The following NCAPD3 variants were observed in gnomAD, a reference collection of about 807,000 sequenced individuals.
NCAPD3 encodes non-SMC condensin II complex subunit D3, also known as condensin-2 complex subunit D3.
NCAPD3 carries 105 observed loss-of-function variants against 182.9 expected under a neutral mutation model. The observed-to-expected ratio is 0.57, with a 90% confidence interval of 0.49 to 0.68. The LOEUF (loss-of-function observed/expected upper bound fraction) is 0.68. NCAPD3 is among the 30% of genes least tolerant of loss of function. The probability of loss-of-function intolerance (pLI) is 0.00; values close to 1 mark genes in which losing one functional copy is unlikely to be tolerated. For missense variants in NCAPD3, 1,944 were observed against 1,837.0 expected, an observed-to-expected ratio of 1.06 and a Z score of -1.07; for synonymous variants, 815 against 679.9, an observed-to-expected ratio of 1.20 and a Z score of -3.09.
At chr11:134,194,624 T>C in intron 14 of NCAPD3, 41 bp downstream of exon 14, 1 of 1,436,110 alleles carries the variant, frequency 7.0e-7, no homozygotes, top group Non-Finnish European at 9.6e-7. Context: ...TTTCCAAGTT[T>C]TTAGTGCTTA....
chr11:134,197,838 T>C (rs1944668708), intron 13 of NCAPD3, among the ~76,000 whole-genome samples: 1 of 152,124 alleles, frequency 6.6e-6, no homozygotes, highest in Admixed American at 6.5e-5. Flanking sequence ...CCAACACCTT[T>C]CCATGATAAA....
intron 2 of NCAPD3, among the ~76,000 whole-genome samples, chr11:134,220,361 T>C (rs1591868923): frequency 6.6e-6 from 1 of 151,484 alleles, no homozygotes; most frequent in East Asian, 1.9e-4. Context: ...AAAACAGTCG[T>C]GTCTTAAAAA....
rs1565551242 is a variant in NCAPD3 at position 134,203,676 on chromosome 11, A to C, written c.1446T>G (p.Ser482Arg). The C allele has an allele frequency of 6.2e-7, 1 of 1,613,350 alleles. No homozygotes were observed. The highest frequency in any genetic ancestry group is 8.5e-7 in the Non-Finnish European group (1 of 1,180,020). ...LELTVTSASESILELLINSPT... is the reference protein window; with the variant it reads ...LELTVTSASERILELLINSPT... ...CACTGTTAATCAGGAGCTCCAGGAT[A>C]CTCTCCGACGCACTGGTAACAGTCA... is the stretch of plus-strand genomic sequence containing the variant. The change falls in exon 11 of 35, where the codon AGT becomes AGG. Residue 482 changes from serine (S) to arginine (R), a missense_variant. Ser to Arg is a moderately radical substitution (Grantham distance 110). Transcript: ENST00000534548.
intron 32 of NCAPD3, among the ~76,000 whole-genome samples, chr11:134,156,442 C>A (rs1379701660): frequency 6.6e-6 from 1 of 152,154 alleles, no homozygotes; most frequent in African/African-American, 2.4e-5. Context: ...TGAGGTTTGA[C>A]ACAATATGAA....
chr11:134,150,696 A>G lies in NCAPD3; in HGVS notation c.*2248T>C, dbSNP rs542186277. The G allele has an allele frequency of 6.6e-6, 1 of 152,208 alleles. No individual in the cohort carries two copies. Among genetic ancestry groups the G allele is most frequent in the Non-Finnish European group, 1.5e-5 (1 of 68,012 alleles). The allele number at this position is 152,208 out of a possible 1,614,324, so 9.4% of individuals were successfully genotyped here. A position where few individuals can be genotyped will look rare whatever the true frequency, so the allele number is the denominator to read the frequency against. On this transcript the variant is annotated 3_prime_UTR_variant, in exon 35 of 35. Transcript: ENST00000534548. ...GTTAAGATTGTCTAAGGCCAAAGGCAATTGCGAAATCAAGTCTGTCAAGTA... is the reference window on the plus strand; with the variant it reads ...GTTAAGATTGTCTAAGGCCAAAGGCGATTGCGAAATCAAGTCTGTCAAGTA...
intron 24 of NCAPD3, among the ~76,000 whole-genome samples, chr11:134,169,512 A>C (rs80235984): frequency 6.6e-6 from 1 of 152,292 alleles, no homozygotes; most frequent in Non-Finnish European, 1.5e-5. Context: ...AGTAACTGGA[A>C]CTTTTTTCAA....
chr11:134,182,192 T>C (rs1427496299), intron 19 of NCAPD3, among the ~76,000 whole-genome samples: 1 of 152,198 alleles, frequency 6.6e-6, no homozygotes, highest in Admixed American at 6.5e-5. Flanking sequence ...CTGGGAAAGC[T>C]GACAAGGCCA....
Position 134,176,377 on chromosome 11 carries a change from C to A in NCAPD3, c.3031G>T (p.Val1011Leu), listed in dbSNP as rs1944166071. Reference sequence around the variant, plus strand: ...AAGAACAGGGAGCCCTTCCATTTCACAAATTCCTCCTGTGCAGAGAGAAGC... The same window carrying A: ...AAGAACAGGGAGCCCTTCCATTTCAAAAATTCCTCCTGTGCAGAGAGAAGC... The part of the protein sequence containing the change: ...LLTNLLQEEF[V>L]KWKGSLFFRF... Residue 1011 changes from valine (V) to leucine (L), a missense_variant, in exon 24 of 35, where the codon GTG becomes TTG. This residue lies in a region of NCAPD3 where 1,803 missense variants were observed against 1,674.6 expected (regional missense o/e 1.08). Coordinates refer to ENST00000534548, the MANE Select transcript of NCAPD3 (RefSeq NM_015261.3). The A allele has an allele frequency of 6.2e-7, 1 of 1,613,820 alleles. No individual in the cohort carries two copies. Among genetic ancestry groups the A allele is most frequent in the African/African-American group, 1.3e-5 (1 of 74,926 alleles).
chr11:134,194,276 C>A (rs1433915839), intron 14 of NCAPD3, 126 bp from the exon 15 acceptor site: 5 of 968,498 alleles, frequency 5.2e-6, no homozygotes, highest in African/African-American at 4.9e-5. Flanking sequence ...TGGATCCAAC[C>A]TTCCTCCTCA....
chr11:134,195,775 T>C, intron 13 of NCAPD3, among the ~76,000 whole-genome samples: 1 of 152,166 alleles, frequency 6.6e-6, no homozygotes, highest in African/African-American at 2.4e-5. Flanking sequence ...TGGCTTAATA[T>C]AAGCCAGCTT....
intron 24 of NCAPD3, among the ~76,000 whole-genome samples, chr11:134,174,971 T>A (rs770841316): frequency 9.9e-5 from 15 of 152,200 alleles, no homozygotes; most frequent in Admixed American, 2.6e-4. Context: ...ATGGTCTACA[T>A]TTGAACCATG....
chr11:134,158,540 G>C, intron 29 of NCAPD3, 45 bp from the exon 30 acceptor site: 1 of 1,577,392 alleles, frequency 6.3e-7, no homozygotes, highest in East Asian at 2.2e-5. Flanking sequence ...TACTTTTTAA[G>C]TTTTCAAAAA....
chr11:134,206,062 A>G (rs1937606470), intron 8 of NCAPD3, among the ~76,000 whole-genome samples: 1 of 152,222 alleles, frequency 6.6e-6, no homozygotes, highest in Admixed American at 6.5e-5. Flanking sequence ...CTAAGGCATG[A>G]GAGTTTTTAA....
At chr11:134,210,573 G>A in intron 3 of NCAPD3, 119 bp from the exon 4 acceptor site, 1 of 885,426 alleles carries the variant, frequency 1.1e-6, no homozygotes, top group Non-Finnish European at 1.7e-6. Context: ...GAATAACAAT[G>A]AACCTGTAGC....
At chr11:134,190,330 G>A (rs1041278798) in intron 16 of NCAPD3, among the ~76,000 whole-genome samples, 3 of 152,214 alleles carry the variant, frequency 2.0e-5, no homozygotes, top group South Asian at 4.2e-4. Context: ...GCTTCACCTT[G>A]CTTTCAGTCA....
intron 27 of NCAPD3, among the ~76,000 whole-genome samples, chr11:134,167,042 T>G (rs78213174): frequency 9.0e-5 from 6 of 66,940 alleles, no homozygotes; most frequent in African/African-American, 1.6e-4. Flanking sequence ...TTGGGGGAGC[T>G]GCACACTCAC....
chr11:134,174,177 G>A (rs1308246068), intron 24 of NCAPD3, among the ~76,000 whole-genome samples: 1 of 151,774 alleles, frequency 6.6e-6, no homozygotes, highest in East Asian at 1.9e-4. Context: ...GATTGCCTGA[G>A]CCCAGGAGTT....
chr11:134,211,555 A>C (rs1937832509), intron 3 of NCAPD3, among the ~76,000 whole-genome samples: 2 of 152,216 alleles, frequency 1.3e-5, no homozygotes, highest in African/African-American at 4.8e-5. Context: ...GGGAGTGCTA[A>C]AAAGCAGGAA....
In NCAPD3 at chr11:134,181,142, C is replaced by G; in HGVS notation, c.2494G>C (p.Glu832Gln). Residue 832 changes from glutamate (E) to glutamine (Q), a missense_variant, in exon 20 of 35, where the codon GAG (glutamate) becomes CAG (glutamine). Transcript: ENST00000534548. Reference protein sequence around the residue: ...QVCGDVLSTCEHRLSNIVLKE... With the variant: ...QVCGDVLSTCQHRLSNIVLKE... ...AGAACGATGTTGGAGAGGCGGTGCT[C>G]GCAGGTGGAGAGTACATCCCCACAC... 10 of 1,614,086 alleles carry G rather than the reference C, an allele frequency of 6.2e-6. No homozygotes were observed. Among genetic ancestry groups the G allele is most frequent in the Non-Finnish European group, 8.5e-6 (10 of 1,180,004 alleles).
Sources: gnomAD v4.1 joint callset for allele counts (sites outside exome capture counted in the v4.1 genomes callset) on GRCh38, gnomAD v4.1.1 for gene constraint, gnomAD v4.1.1 regional missense constraint, MANE v1.5 for transcripts, NCBI Gene and HGNC (gene_info 2026-07-23, HGNC 2026-07-21) for gene names.